Variants in TENM1 observed in about 807,000 individuals in gnomAD.
TENM1 encodes the protein teneurin transmembrane protein 1, also known as teneurin-1.
TENM1 carries 35 observed loss-of-function variants against 174.8 expected under a neutral mutation model. That is an observed-to-expected ratio of 0.20 (90% confidence interval 0.15 to 0.27). The LOEUF is 0.27. Ranked by LOEUF, TENM1 falls within the 10% of genes least tolerant of loss-of-function variation. The pLI is 1.00. For synonymous variants in TENM1, 781 were observed against 798.7 expected, an observed-to-expected ratio of 0.98 and a Z score of 0.37; for missense variants, 1,633 against 2,130.1, an observed-to-expected ratio of 0.77 and a Z score of 4.59.
chrX:125,096,771 G>A, the TENM1 span, among the ~76,000 whole-genome samples: 1 of 110,137 alleles, frequency 9.1e-6, no homozygotes, highest in African/African-American at 3.3e-5. Flanking sequence ...CTCGAAGTCT[G>A]TAATACTTGG....
intron 22 of TENM1, among the ~76,000 whole-genome samples, chrX:124,457,368 T>G (rs943670020): frequency 2.7e-5 from 3 of 111,879 alleles, no homozygotes; most frequent in Non-Finnish European, 3.8e-5. Context: ...GACCTGCTCA[T>G]AAATAAAGTG....
chrX:124,640,370 A>T (rs1036199092), intron 11 of TENM1, among the ~76,000 whole-genome samples: 1 of 111,449 alleles, frequency 9.0e-6, no homozygotes, highest in African/African-American at 3.3e-5. Flanking sequence ...ACGGTGTAGG[A>T]TCACAGACTT....
intron 27 of TENM1, 55 bp downstream of exon 30, chrX:124,404,976 C>T: frequency 9.3e-7 from 1 of 1,075,926 alleles, no homozygotes; most frequent in Non-Finnish European, 1.3e-6. Context: ...AACAAACAAA[C>T]AAACAAACAA....
chrX:125,062,313 A>G, the TENM1 span, among the ~76,000 whole-genome samples: 2 of 111,708 alleles, frequency 1.8e-5, no homozygotes, highest in Non-Finnish European at 3.8e-5. Context: ...GGAAATTTCC[A>G]TAAGATTAAG....
the TENM1 span, among the ~76,000 whole-genome samples, chrX:125,127,120 A>G: frequency 8.9e-6 from 1 of 111,830 alleles, no homozygotes; most frequent in African/African-American, 3.2e-5. Flanking sequence ...GCACTTCCCT[A>G]CTACCCCTTT....
rs187991594 is a variant in TENM1 at position 124,811,323 on chromosome X, A to G, written c.536-74126T>C. Among the ~76,000 whole-genome samples, 88 of 111,927 alleles carry G rather than the reference A, an allele frequency of 7.9e-4. 1 individual carries two copies. Among genetic ancestry groups the G allele is most frequent in the African/African-American group, 2.8e-3 (87 of 30,869 alleles). ...AAACACAAACAACTCAATAGCAAGA[A>G]AACAAATTACCTGATTAAAAAATTG... is the stretch of plus-strand genomic sequence containing the variant. On this transcript the variant is annotated intron_variant, in intron 3 of 31. Coordinates refer to ENST00000422452, the Ensembl canonical transcript of TENM1.
At chrX:124,816,247 T>C (rs1345314656) in intron 3 of TENM1, among the ~76,000 whole-genome samples, 5 of 111,578 alleles carry the variant, frequency 4.5e-5, no homozygotes, top group Admixed American at 9.5e-5. Context: ...CAAAATAAAC[T>C]TTTCTCAGAC....
At chrX:124,416,706 T>C (rs1173655119) in intron 25 of TENM1, among the ~76,000 whole-genome samples, 1 of 111,698 alleles carries the variant, frequency 9.0e-6, no homozygotes, top group Non-Finnish European at 1.9e-5. Flanking sequence ...GCTCACTCTT[T>C]CCTCCTGGAA....
At chrX:124,864,219 T>C (rs1259560928) in intron 3 of TENM1, among the ~76,000 whole-genome samples, 1 of 111,679 alleles carries the variant, frequency 9.0e-6, no homozygotes, top group Non-Finnish European at 1.9e-5. Flanking sequence ...CAACACTATC[T>C]AGGAAAACAC....
chrX:124,396,845 GA>G (rs1196856355), intron 27 of TENM1, among the ~76,000 whole-genome samples: 4 of 111,559 alleles, frequency 3.6e-5, no homozygotes, highest in African/African-American at 6.5e-5. Flanking sequence ...AGAAGGGGGG[GA>G]AAAAAGGATT....
At chrX:125,182,459 G>C in the TENM1 span, among the ~76,000 whole-genome samples, 1 of 86,958 alleles carries the variant, frequency 1.1e-5, no homozygotes, top group African/African-American at 3.9e-5. Context: ...CGGGCGGGGG[G>C]GGGGGCATTT....
the TENM1 span, among the ~76,000 whole-genome samples, chrX:125,177,086 G>C: frequency 0.16 from 17,796 of 110,933 alleles, 1,283 homozygotes; most frequent in East Asian, 0.35. Flanking sequence ...TTGTATTATT[G>C]ATATTAACTT....
the TENM1 span, among the ~76,000 whole-genome samples, chrX:125,171,531 T>C: frequency 9.1e-6 from 1 of 109,480 alleles, no homozygotes; most frequent in Non-Finnish European, 1.9e-5. Context: ...CTTCAGGAGG[T>C]GATTAGGTGA....
At chrX:124,379,237 A>C (rs2147556877) in exon 32 of TENM1, 1 of 112,436 alleles carries the variant, frequency 8.9e-6, no homozygotes, top group South Asian at 3.7e-4. Flanking sequence ...ACGATTAAAT[A>C]AAGATAAATG....
At chrX:124,903,759 G>T (rs772923054) in intron 1 of TENM1, among the ~76,000 whole-genome samples, 6 of 111,685 alleles carry the variant, frequency 5.4e-5, no homozygotes, top group Non-Finnish European at 1.1e-4. Context: ...GGGAGGTCCT[G>T]GACTTCAACA....
At chrX:124,384,484 T>G (rs770791646) in exon 30 of TENM1, 10 of 1,208,084 alleles carry the variant, frequency 8.3e-6, no homozygotes, top group Non-Finnish European at 1.1e-5. Context: ...TATTGGCATC[T>G]ACTCCTACCC....
chrX:125,064,399 A>G, the TENM1 span, among the ~76,000 whole-genome samples: 1 of 111,293 alleles, frequency 9.0e-6, no homozygotes, highest in Admixed American at 9.5e-5. Context: ...ATATTGAAGC[A>G]AGAAAAAAAC....
At chrX:124,538,740 C>T (rs1395724978) in intron 15 of TENM1, among the ~76,000 whole-genome samples, 1 of 111,478 alleles carries the variant, frequency 9.0e-6, no homozygotes, top group South Asian at 3.8e-4. Context: ...TTTATGTTGT[C>T]GACCTTCTGG....
intron 1 of TENM1, among the ~76,000 whole-genome samples, chrX:124,948,815 A>C (rs995067612): frequency 8.9e-6 from 1 of 112,220 alleles, no homozygotes; most frequent in Non-Finnish European, 1.9e-5. Context: ...TGGCCTCCTA[A>C]AATGCTGGGA....
Sources: gnomAD v4.1 joint callset for allele counts (sites outside exome capture counted in the v4.1 genomes callset) on GRCh38, gnomAD v4.1.1 for gene constraint, MANE v1.5 for transcripts, NCBI Gene and HGNC (gene_info 2026-07-23, HGNC 2026-07-21) for gene names.